The following CECR2 variants were observed in gnomAD, a reference collection of about 807,000 sequenced individuals.
The protein encoded by CECR2 is CECR2 histone acetyl-lysine reader.
Under a neutral mutation model 154.5 loss-of-function variants are expected in CECR2, and 30 were observed. That is an observed-to-expected ratio of 0.19 (90% CI 0.15 to 0.26). The LOEUF is 0.26. CECR2 is among the 10% of genes least tolerant of loss of function. CECR2 has a pLI of 1.00. For synonymous variants in CECR2, 725 were observed against 683.7 expected, an observed-to-expected ratio of 1.06 and a Z score of -0.94; for missense variants, 1,743 against 1,829.3, an observed-to-expected ratio of 0.95 and a Z score of 0.86.
At chr22:17,448,552 A>C (rs1422538528) in intron 1 of CECR2, among the ~76,000 whole-genome samples, 5 of 152,188 alleles carry the variant, frequency 3.3e-5, no homozygotes, top group Non-Finnish European at 7.3e-5. Context: ...AATTGTTTAC[A>C]TAAAGCCCTA....
At chr22:17,419,450 A>G in intron 1 of CECR2, 1 of 197,384 alleles carries the variant, frequency 5.1e-6, no homozygotes, top group Non-Finnish European at 1.1e-5. Flanking sequence ...ATGTGTGATG[A>G]GGATCCCCCA....
chr22:17,487,425 C>T (rs1177649352), intron 2 of CECR2, among the ~76,000 whole-genome samples: 6 of 152,114 alleles, frequency 3.9e-5, no homozygotes, highest in Non-Finnish European at 8.8e-5. Context: ...ATTGGTTGGG[C>T]GCGGTGGCTC....
intron 1 of CECR2, among the ~76,000 whole-genome samples, chr22:17,471,935 T>TAA (rs2055134500): frequency 6.6e-6 from 1 of 152,206 alleles, no homozygotes; most frequent in Non-Finnish European, 1.5e-5. Flanking sequence ...CAGAAAACCC[T>TAA]ATTCTAGATT....
In CECR2 at chr22:17,369,549, C is replaced by A; in HGVS notation, c.-235C>A. The A allele has an allele frequency of 6.7e-6, 1 of 148,356 alleles. No individual in the cohort carries two copies. Among genetic ancestry groups the A allele is most frequent in the South Asian group, 2.0e-4 (1 of 5,044 alleles). 9.2% of individuals were successfully genotyped at this position (148,356 alleles called of 1,614,324 possible). A position where few individuals can be genotyped will look rare whatever the true frequency, so the allele number is the denominator to read the frequency against. On this transcript the variant is annotated 5_prime_UTR_variant, in exon 1 of 19. Transcript: ENST00000262608. ...GCGGGATGGGGCGAGCGCGCGGACC[C>A]CGCGGGCAGCCGCAGCCGCAGCCGC...
At chr22:17,524,407 TTTTG>T (rs2056217903) in intron 9 of CECR2, 136 bp downstream of exon 9, 1 of 1,072,988 alleles carries the variant, frequency 9.3e-7, no homozygotes, top group African/African-American at 1.8e-5. Context: ...TTTTTTTTTT[TTTTG>T]AGACGGAGTC....
At chr22:17,389,706 C>A (rs2063305999) in intron 1 of CECR2, among the ~76,000 whole-genome samples, 1 of 152,158 alleles carries the variant, frequency 6.6e-6, no homozygotes, top group Admixed American at 6.5e-5. Context: ...TGGCTCACTG[C>A]AACCTCCGCC....
intron 1 of CECR2, among the ~76,000 whole-genome samples, chr22:17,428,798 TTGTGTGTG>T (rs60474818): frequency 1.5e-5 from 2 of 136,336 alleles, no homozygotes; most frequent in Non-Finnish European, 3.1e-5. Flanking sequence ...ATGTTTTTAT[TTGTGTGTG>T]TGTGTGTGTG....
chr22:17,536,178 G>A (rs969268880), intron 9 of CECR2, among the ~76,000 whole-genome samples: 1 of 152,160 alleles, frequency 6.6e-6, no homozygotes, highest in Admixed American at 6.5e-5. Context: ...AACCCAGGGG[G>A]CAGAGGTTGT....
chr22:17,527,409 GATC>G (rs2146976093), intron 9 of CECR2, among the ~76,000 whole-genome samples: 1 of 152,252 alleles, frequency 6.6e-6, no homozygotes, highest in Non-Finnish European at 1.5e-5. Flanking sequence ...AGTGAGCTGA[GATC>G]ATGCCACTGC....
intron 1 of CECR2, among the ~76,000 whole-genome samples, chr22:17,414,183 A>G (rs753991529): frequency 4.9e-4 from 74 of 151,752 alleles, no homozygotes; most frequent in Non-Finnish European, 7.8e-4. Flanking sequence ...TGTGTTAGCC[A>G]GGATGGTCTC....
chr22:17,553,080 A>G lies in CECR2; in HGVS notation c.*240A>G. ...GATCTCTTGCACAGCTGATGTAGAC[A>G]GTCAGGCAAAACTAATGAACGTGGA... On this transcript the variant is annotated 3_prime_UTR_variant, in exon 19 of 19. Transcript: ENST00000262608. 2 of 856,370 alleles carry G rather than the reference A, an allele frequency of 2.3e-6. No homozygotes were observed. Among genetic ancestry groups the G allele is most frequent in the Non-Finnish European group, 3.1e-6 (2 of 637,090 alleles). The allele number at this position is 856,370 out of a possible 1,614,324, so 53.0% of individuals were successfully genotyped here. A position where few individuals can be genotyped will look rare whatever the true frequency, so the allele number is the denominator to read the frequency against.
intron 9 of CECR2, among the ~76,000 whole-genome samples, chr22:17,525,105 G>A (rs936835922): frequency 6.7e-6 from 1 of 148,966 alleles, no homozygotes; most frequent in African/African-American, 2.4e-5. Flanking sequence ...CCAACATGGA[G>A]AAACCCCATC....
chr22:17,494,833 T>C (rs181717218), intron 2 of CECR2, among the ~76,000 whole-genome samples: 1 of 152,254 alleles, frequency 6.6e-6, no homozygotes, highest in African/African-American at 2.4e-5. Context: ...TAGCTGGGAC[T>C]ACAGGCACAC....
intron 1 of CECR2, among the ~76,000 whole-genome samples, chr22:17,404,913 T>C (rs1347535673): frequency 6.6e-5 from 10 of 152,204 alleles, no homozygotes; most frequent in Admixed American, 5.9e-4. Context: ...TTGTATTGAA[T>C]ATCTAGGTCA....
At chr22:17,448,756 A>G (rs1307843205) in intron 1 of CECR2, among the ~76,000 whole-genome samples, 1 of 152,194 alleles carries the variant, frequency 6.6e-6, no homozygotes, top group African/African-American at 2.4e-5. Flanking sequence ...TGAACTCTGT[A>G]GCACTTAAAT....
At chr22:17,454,629 C>T (rs1402263452) in intron 1 of CECR2, among the ~76,000 whole-genome samples, 1 of 151,024 alleles carries the variant, frequency 6.6e-6, no homozygotes, top group African/African-American at 2.4e-5. Flanking sequence ...AACCCTGCAG[C>T]TGGGCAGGTC....
At chr22:17,494,674 T>C (rs2055590429) in intron 2 of CECR2, among the ~76,000 whole-genome samples, 1 of 152,146 alleles carries the variant, frequency 6.6e-6, no homozygotes, top group African/African-American at 2.4e-5. Context: ...CTTCTCTCTT[T>C]GAAAAAGCAA....
intron 1 of CECR2, among the ~76,000 whole-genome samples, chr22:17,466,398 C>T (rs904729810): frequency 1.3e-5 from 2 of 152,120 alleles, no homozygotes; most frequent in African/African-American, 2.4e-5. Context: ...ACTTTCTAAG[C>T]ATTTGGATTC....
rs1018287323 is a variant in CECR2 at position 17,534,116 on chromosome 22, A to G, written c.1109-2987A>G. On this transcript the variant is annotated intron_variant, in intron 9 of 18. Transcript: ENST00000262608. The stretch of plus-strand genomic sequence containing the variant: ...GTGATTGAGAGAGAATGGTATTGGC[A>G]TAGAGATAGACAATGAGACCAGAAA... Among the ~76,000 whole-genome samples, 3 of 152,180 alleles carry G rather than the reference A, an allele frequency of 2.0e-5. No homozygotes were observed. The East Asian group carries it at 5.8e-4, about 29-fold the overall frequency.
Sources: allele counts gnomAD v4.1 joint callset (sites outside exome capture counted in the v4.1 genomes callset), GRCh38; gene constraint gnomAD v4.1.1; transcripts MANE v1.5; gene names NCBI Gene and HGNC (gene_info 2026-07-23, HGNC 2026-07-21).